Variants in ACO1 observed in about 807,000 individuals in gnomAD.
ACO1 encodes cytoplasmic aconitate hydratase.
ACO1 carries 78 observed loss-of-function variants against 105.1 expected under a neutral mutation model. That is an observed-to-expected ratio of 0.74 (90% confidence interval 0.62 to 0.90). The LOEUF is 0.90. Ranked by LOEUF, ACO1 falls within the 40% of genes least tolerant of loss-of-function variation. The pLI, the probability that ACO1 is intolerant of heterozygous loss-of-function variation, is 0.00. For synonymous variants in ACO1, 364 were observed against 397.4 expected, an observed-to-expected ratio of 0.92 and a Z score of 1.00; for missense variants, 965 against 1,111.1, an observed-to-expected ratio of 0.87 and a Z score of 1.87.
chr9:32,408,676 A>T, intron 4 of ACO1, 25 bp downstream of exon 4: 1 of 1,612,676 alleles, frequency 6.2e-7, no homozygotes, highest in African/African-American at 1.3e-5. Context: ...CGAATACCTG[A>T]GTGTTCTGCT....
At position 32,430,424 on chromosome 9, in the gene ACO1, C is replaced by G. The variant is rs376382833; in HGVS notation, c.1576C>G (p.Leu526Val). 2 of 1,609,780 alleles carry G rather than the reference C, an allele frequency of 1.2e-6. No individual in the cohort carries two copies. The highest frequency in any genetic ancestry group is 1.1e-5 in the South Asian group (1 of 89,934). The change falls in exon 14 of 21, where the codon CTT (leucine) becomes GTT (valine). Residue 526 changes from leucine (L) to valine (V), a missense_variant. Leu to Val is a conservative substitution (Grantham distance 32). Coordinates refer to ENST00000309951, the MANE Select transcript of ACO1 (RefSeq NM_002197.3). ...PVVEAITQGD[L>V]VAVGVLSGNR... ...TTTCTCTTGCCTTACTCAGGGAGAC[C>G]TTGTAGCTGTTGGAGTACTATCTGG...
intron 1 of ACO1, among the ~76,000 whole-genome samples, chr9:32,405,204 C>T (rs74443803): frequency 0.15 from 22,776 of 152,202 alleles, 2,099 homozygotes; most frequent in South Asian, 0.3. Flanking sequence ...CGTGTCCTGT[C>T]GCCTCCTGCA....
At chr9:32,433,898 T>G in intron 16 of ACO1, 66 bp downstream of exon 16, 12 of 1,266,466 alleles carry the variant, frequency 9.5e-6, no homozygotes, top group Non-Finnish European at 1.3e-5. Context: ...AATATCTACT[T>G]TATTACCCCA....
In ACO1 at chr9:32,408,576, A is replaced by T; in HGVS notation, c.329A>T (p.Asp110Val). The T allele has an allele frequency of 6.2e-7, 1 of 1,614,154 alleles. No homozygotes were observed. Among genetic ancestry groups the T allele is most frequent in the Admixed American group, 1.7e-5 (1 of 60,014 alleles). ...MRDAVKKLGG[D>V]PEKINPVCPA... ...GATGCTGTGAAAAAGTTAGGAGGAG[A>T]TCCAGAGAAAATAAACCCTGTCTGC... Residue 110 changes from aspartate to valine, a missense_variant, in exon 4 of 21, where the codon GAT becomes GTT. Coordinates refer to ENST00000309951, the MANE Select transcript of ACO1 (RefSeq NM_002197.3).
In ACO1 at chr9:32,408,758, A is replaced by G. The variant is rs183565316; in HGVS notation, c.404+107A>G. ...AGTTAAAGAAGAAAATCTTTCAAAG[A>G]TATCTTCTGAAAAACTTAAACTTCA... On this transcript the variant is annotated intron_variant, in intron 4 of 20. Transcript: ENST00000309951. 8.3e-6 allele frequency: 11 copies of G among 1,319,476 alleles called. No homozygotes were observed. In the East Asian group the frequency reaches 1.8e-4, roughly 21 times the overall value. 81.7% of individuals were successfully genotyped at this position (1,319,476 alleles called of 1,614,324 possible). A position where few individuals can be genotyped will look rare whatever the true frequency, so the allele number is the denominator to read the frequency against.
chr9:32,428,017 G>A (rs1563941618), intron 12 of ACO1, among the ~76,000 whole-genome samples: 5 of 151,842 alleles, frequency 3.3e-5, no homozygotes, highest in Non-Finnish European at 7.4e-5. Flanking sequence ...GCTCACACCT[G>A]TAATATCAGT....
intron 1 of ACO1, among the ~76,000 whole-genome samples, chr9:32,401,032 T>C (rs10813809): frequency 0.36 from 55,122 of 151,590 alleles, 10,251 homozygotes; most frequent in Admixed American, 0.41. Context: ...TATCATTTAA[T>C]GTGAGCCTTT....
chr9:32,415,521 A>G (rs1821828736), intron 4 of ACO1, among the ~76,000 whole-genome samples: 1 of 152,190 alleles, frequency 6.6e-6, no homozygotes, highest in South Asian at 2.1e-4. Flanking sequence ...CTTGGTGCGC[A>G]TGCCCGAAAC....
chr9:32,405,188 C>T (rs1449534967), intron 1 of ACO1, among the ~76,000 whole-genome samples: 1 of 152,232 alleles, frequency 6.6e-6, no homozygotes, highest in Admixed American at 6.5e-5. Context: ...TTACCGGTAC[C>T]TGTGGCGTGT....
chr9:32,413,103 C>T (rs1821774890), intron 4 of ACO1, among the ~76,000 whole-genome samples: 1 of 151,766 alleles, frequency 6.6e-6, no homozygotes, highest in Non-Finnish European at 1.5e-5. Context: ...ACACCATGTA[C>T]TGAAAACATG....
At chr9:32,423,223 C>T (rs754016853) in intron 8 of ACO1, 96 bp from the exon 9 acceptor site, 27 of 651,274 alleles carry the variant, frequency 4.1e-5, no homozygotes, top group East Asian at 1.8e-4. Flanking sequence ...GCGTATGTTG[C>T]GTACTTACAT....
rs2118408266 is a variant in ACO1 at position 32,407,331 on chromosome 9, G to A, written c.168G>A (p.Lys56=). The part of the protein sequence containing the change: ...AIRNCDEFLV[K]KQDIENILHW... ...GGAATTGTGATGAGTTTTTGGTGAA[G>A]AAACAGGATATTGAAAATATTCTAC... The change falls in exon 3 of 21, where the codon AAG becomes AAA. Residue 56 remains lysine, a synonymous_variant. Transcript: ENST00000309951. The A allele has an allele frequency of 6.2e-7, 1 of 1,614,116 alleles. No homozygotes were observed. The highest frequency in any genetic ancestry group is 2.2e-5 in the East Asian group (1 of 44,884).
chr9:32,414,805 T>C (rs1821813942), intron 4 of ACO1, among the ~76,000 whole-genome samples: 1 of 152,214 alleles, frequency 6.6e-6, no homozygotes, highest in African/African-American at 2.4e-5. Flanking sequence ...AGGTCAGAGA[T>C]GCTTTCCTTT....
At chr9:32,414,152 C>A (rs1011702719) in intron 4 of ACO1, among the ~76,000 whole-genome samples, 11 of 149,674 alleles carry the variant, frequency 7.3e-5, no homozygotes, top group African/African-American at 2.7e-4. Context: ...GACTCCGTCT[C>A]AAAAAAAAAG....
At chr9:32,429,025 A>C (rs1822165758) in intron 12 of ACO1, among the ~76,000 whole-genome samples, 2 of 152,234 alleles carry the variant, frequency 1.3e-5, no homozygotes, top group Admixed American at 1.3e-4. Flanking sequence ...GCAGTGCATG[A>C]ATGTATTCGT....
chr9:32,420,150 T>C (rs1821940466), intron 7 of ACO1, among the ~76,000 whole-genome samples: 1 of 152,234 alleles, frequency 6.6e-6, no homozygotes, highest in Non-Finnish European at 1.5e-5. Flanking sequence ...AGAAACTGGC[T>C]TTATGCAGAG....
At chr9:32,415,674 G>T (rs764149854) in intron 4 of ACO1, among the ~76,000 whole-genome samples, 1 of 152,156 alleles carries the variant, frequency 6.6e-6, no homozygotes, top group Non-Finnish European at 1.5e-5. Context: ...TGCTGATGCC[G>T]GTGTCGGTGC....
At chr9:32,436,983 T>G (rs1822375972) in intron 18 of ACO1, among the ~76,000 whole-genome samples, 1 of 152,206 alleles carries the variant, frequency 6.6e-6, no homozygotes, top group South Asian at 2.1e-4. Flanking sequence ...TGAAATGGAA[T>G]GAAATATAAA....
chr9:32,405,700 C>G, intron 2 of ACO1, 97 bp downstream of exon 2: 1 of 847,816 alleles, frequency 1.2e-6, no homozygotes, highest in Non-Finnish European at 1.8e-6. Context: ...GAGGGAGTAG[C>G]AGAGAATGGG....
Sources: allele counts gnomAD v4.1 joint callset (sites outside exome capture counted in the v4.1 genomes callset), GRCh38; gene constraint gnomAD v4.1.1; transcripts MANE v1.5; gene names NCBI Gene and HGNC (gene_info 2026-07-23, HGNC 2026-07-21).